Variants in PCDH7 observed in about 807,000 individuals in gnomAD.
PCDH7 encodes the protein protocadherin 7.
PCDH7 carries 17 observed loss-of-function variants against 58.9 expected under a neutral mutation model. That is an observed-to-expected ratio of 0.29 (90% CI 0.20 to 0.43). The LOEUF is 0.43. Ranked by LOEUF, PCDH7 falls within the 20% of genes least tolerant of loss-of-function variation. PCDH7 has a pLI of 1.00. For synonymous variants in PCDH7, 664 were observed against 616.4 expected (o/e 1.08, Z -1.14); for missense variants, 1,274 against 1,441.0 (o/e 0.88, Z 1.88).
intron 3 of PCDH7, among the ~76,000 whole-genome samples, chr4:31,052,006 T>G (rs1183110624): frequency 1.3e-5 from 2 of 152,126 alleles, no homozygotes; most frequent in Admixed American, 6.6e-5. Flanking sequence ...AAGAGTTGAT[T>G]GGTAATTTTG....
At chr4:30,794,672 C>T (rs1252115534) in intron 1 of PCDH7, among the ~76,000 whole-genome samples, 5 of 150,832 alleles carry the variant, frequency 3.3e-5, no homozygotes, top group African/African-American at 1.2e-4. Context: ...CAAAGGCTCA[C>T]TTTTTTTTTA....
At chr4:30,856,925 CT>C (rs1415376368) in intron 1 of PCDH7, among the ~76,000 whole-genome samples, 1 of 151,398 alleles carries the variant, frequency 6.6e-6, no homozygotes, top group East Asian at 1.9e-4. Context: ...ATTTTGGAAG[CT>C]TTTTTCTTTT....
At chr4:30,782,744 TG>T (rs1332366910) in intron 1 of PCDH7, among the ~76,000 whole-genome samples, 1 of 152,248 alleles carries the variant, frequency 6.6e-6, no homozygotes, top group Admixed American at 6.5e-5. Flanking sequence ...AAAAGAGATG[TG>T]GTTTAATGTC....
At chr4:30,986,266 T>C (rs916948146) in intron 3 of PCDH7, among the ~76,000 whole-genome samples, 1 of 152,148 alleles carries the variant, frequency 6.6e-6, no homozygotes, top group African/African-American at 2.4e-5. Context: ...TAACTGCTGA[T>C]GACATTAATA....
intron 3 of PCDH7, among the ~76,000 whole-genome samples, chr4:31,103,452 A>T (rs1715155950): frequency 6.6e-6 from 1 of 151,998 alleles, no homozygotes; most frequent in Admixed American, 6.6e-5. Flanking sequence ...CTCGTGCCTC[A>T]GCCTCCCAAG....
intron 1 of PCDH7, among the ~76,000 whole-genome samples, chr4:30,739,304 C>T (rs909243822): frequency 4.6e-5 from 7 of 151,084 alleles, no homozygotes; most frequent in Admixed American, 1.3e-4. Context: ...AATGTAACAG[C>T]GAATAGACTT....
intron 3 of PCDH7, among the ~76,000 whole-genome samples, chr4:31,045,005 T>C (rs954560629): frequency 7.2e-5 from 11 of 152,044 alleles, no homozygotes; most frequent in African/African-American, 2.7e-4. Flanking sequence ...TCATTTTATT[T>C]ATATTTCTTT....
chr4:31,073,781 T>C (rs1758754932), intron 3 of PCDH7, among the ~76,000 whole-genome samples: 1 of 152,194 alleles, frequency 6.6e-6, no homozygotes, highest in Non-Finnish European at 1.5e-5. Context: ...GTTAAATATG[T>C]AAATCATAAT....
At chr4:30,843,401 C>T (rs1731486635) in intron 1 of PCDH7, among the ~76,000 whole-genome samples, 1 of 152,102 alleles carries the variant, frequency 6.6e-6, no homozygotes, top group African/African-American at 2.4e-5. Flanking sequence ...GCCATGTTGG[C>T]CAGGCTGGTC....
chr4:31,032,625 G>C (rs1360525266), intron 3 of PCDH7, among the ~76,000 whole-genome samples: 4 of 117,064 alleles, frequency 3.4e-5, no homozygotes, highest in Non-Finnish European at 6.7e-5. Flanking sequence ...AAAAAAGAAA[G>C]AAGAGAGAAA....
Position 30,877,315 on chromosome 4 carries a change from C to T in PCDH7, c.71-42838C>T, listed in dbSNP as rs569882147. On this transcript the variant is annotated intron_variant, in intron 1 of 3. Transcript: ENST00000509759. ...GAACTCTCTATCTGGTATCAAAATC[C>T]GAAAATAATTAGGACAGAAATGTGA... 2.6e-5 allele frequency among the ~76,000 whole-genome samples: 4 copies of T among 151,790 alleles called. No individual in the cohort carries two copies. In the East Asian group the frequency reaches 5.8e-4, roughly 22 times the overall value.
chr4:30,917,556 A>G (rs572262514), intron 1 of PCDH7, among the ~76,000 whole-genome samples: 26 of 151,976 alleles, frequency 1.7e-4, no homozygotes, highest in South Asian at 1.0e-3. Flanking sequence ...TTTTAAATGC[A>G]AAAAGCATTT....
At chr4:30,856,911 A>C (rs958063293) in intron 1 of PCDH7, among the ~76,000 whole-genome samples, 1 of 152,044 alleles carries the variant, frequency 6.6e-6, no homozygotes, top group East Asian at 1.9e-4. Flanking sequence ...GAACCCTTCA[A>C]ATAATTTTGG....
At chr4:30,833,761 G>A (rs893244847) in intron 1 of PCDH7, among the ~76,000 whole-genome samples, 8 of 152,164 alleles carry the variant, frequency 5.3e-5, no homozygotes, top group Admixed American at 2.0e-4. Flanking sequence ...AACTTGAATC[G>A]CTTAAGAAAC....
intron 1 of PCDH7, among the ~76,000 whole-genome samples, chr4:30,771,515 T>C (rs1721396688): frequency 6.6e-6 from 1 of 152,202 alleles, no homozygotes; most frequent in African/African-American, 2.4e-5. Context: ...TGGTCAGTTC[T>C]GTTTCCTTGG....
At chr4:30,925,790 A>T (rs4557225) in intron 2 of PCDH7, 115,423 of 152,206 alleles carry the variant, frequency 0.76, 44,282 homozygotes, top group African/African-American at 0.89. Context: ...CTAAGCCAGA[A>T]CTCAACTAAT....
intron 1 of PCDH7, among the ~76,000 whole-genome samples, chr4:30,870,812 C>T (rs1459308726): frequency 6.6e-6 from 1 of 152,118 alleles, no homozygotes; most frequent in Non-Finnish European, 1.5e-5. Context: ...CTTGGCTATG[C>T]CTCAGATTGA....
intron 1 of PCDH7, among the ~76,000 whole-genome samples, chr4:30,858,826 T>A (rs1178562761): frequency 6.6e-6 from 1 of 152,110 alleles, no homozygotes; most frequent in African/African-American, 2.4e-5. Flanking sequence ...AACTTAAGTG[T>A]GTCCTGTGTG....
intron 2 of PCDH7, among the ~76,000 whole-genome samples, chr4:30,921,473 C>G (rs1392941206): frequency 6.6e-6 from 1 of 151,942 alleles, no homozygotes; most frequent in Non-Finnish European, 1.5e-5. Context: ...ATATTAAAAT[C>G]CAATATTAGA....
Sources: allele counts gnomAD v4.1 joint callset (sites outside exome capture counted in the v4.1 genomes callset), GRCh38; gene constraint gnomAD v4.1.1; transcripts MANE v1.5; gene names NCBI Gene and HGNC (gene_info 2026-07-23, HGNC 2026-07-21).